The following EPHA6 variants were observed in gnomAD, a reference collection of about 807,000 sequenced individuals.
EPHA6 encodes the protein EPH receptor A6.
Under a neutral mutation model 112.0 loss-of-function variants are expected in EPHA6, and 50 were observed. The observed-to-expected ratio is 0.45, with a 90% confidence interval of 0.36 to 0.56. The LOEUF (loss-of-function observed/expected upper bound fraction) is 0.56. Among genes scored for constraint, EPHA6 ranks in the 20% least tolerant of loss-of-function variants. The pLI is 0.00. For missense variants in EPHA6, 1,280 were observed against 1,417.4 expected, an observed-to-expected ratio of 0.90 and a Z score of 1.56; for synonymous variants, 529 against 490.7, an observed-to-expected ratio of 1.08 and a Z score of -1.03.
chr3:97,641,234 T>C (rs972571384), intron 14 of EPHA6, among the ~76,000 whole-genome samples: 3 of 152,192 alleles, frequency 2.0e-5, no homozygotes, highest in Non-Finnish European at 4.4e-5. Flanking sequence ...CAAATGATCA[T>C]TGGCATTCTG....
intron 16 of EPHA6, among the ~76,000 whole-genome samples, chr3:97,746,871 G>C (rs1157474672): frequency 2.6e-5 from 4 of 151,976 alleles, no homozygotes; most frequent in Admixed American, 2.6e-4. Context: ...TACATTTTAA[G>C]AAATGATAAA....
intron 14 of EPHA6, among the ~76,000 whole-genome samples, chr3:97,661,037 G>A (rs1466785740): frequency 2.0e-5 from 3 of 151,978 alleles, no homozygotes; most frequent in Non-Finnish European, 4.4e-5. Context: ...AATTTCTAAG[G>A]TGAAATTTCT....
chr3:97,225,026 G>A (rs953618299), intron 3 of EPHA6, among the ~76,000 whole-genome samples: 6 of 151,990 alleles, frequency 3.9e-5, no homozygotes, highest in Admixed American at 2.0e-4. Flanking sequence ...CGCGATCTCC[G>A]CTCACTGCAA....
chr3:97,716,641 C>T (rs1043565276), intron 14 of EPHA6, among the ~76,000 whole-genome samples: 5 of 148,996 alleles, frequency 3.4e-5, no homozygotes, highest in African/African-American at 1.2e-4. Flanking sequence ...ATGTAAGGAA[C>T]GGAGACTATG....
intron 14 of EPHA6, among the ~76,000 whole-genome samples, chr3:97,703,752 A>G (rs2033527237): frequency 6.6e-6 from 1 of 152,326 alleles, no homozygotes; most frequent in Admixed American, 6.5e-5. Context: ...TGGTTCAGCA[A>G]CTTGACCTTG....
chr3:96,954,182 C>T (rs2041665876), intron 2 of EPHA6, among the ~76,000 whole-genome samples: 1 of 152,116 alleles, frequency 6.6e-6, no homozygotes, highest in South Asian at 2.1e-4. Context: ...CCTTCAGTAG[C>T]ATCTTAACCG....
intron 11 of EPHA6, among the ~76,000 whole-genome samples, chr3:97,536,862 CA>C (rs1422452301): frequency 6.6e-6 from 1 of 151,828 alleles, no homozygotes; most frequent in Non-Finnish European, 1.5e-5. Flanking sequence ...CCACCACACA[CA>C]AAAAAACGAA....
chr3:97,347,603 GA>G (rs1459838691), intron 5 of EPHA6, among the ~76,000 whole-genome samples: 5 of 151,864 alleles, frequency 3.3e-5, no homozygotes, highest in Non-Finnish European at 7.4e-5. Flanking sequence ...ATTTCTCCTA[GA>G]AAAAAATTTG....
intron 2 of EPHA6, among the ~76,000 whole-genome samples, chr3:96,930,812 T>A (rs1378292548): frequency 1.3e-5 from 2 of 151,314 alleles, no homozygotes; most frequent in Non-Finnish European, 2.9e-5. Flanking sequence ...GACAACATGG[T>A]GAAAACCCAT....
At chr3:97,316,263 A>AG (rs1286231225) in intron 5 of EPHA6, among the ~76,000 whole-genome samples, 1 of 151,890 alleles carries the variant, frequency 6.6e-6, no homozygotes, top group Non-Finnish European at 1.5e-5. Flanking sequence ...AAATCACTGT[A>AG]GGCTTGCTGA....
At chr3:96,990,143 T>G (rs921801867) in intron 3 of EPHA6, among the ~76,000 whole-genome samples, 1 of 152,204 alleles carries the variant, frequency 6.6e-6, no homozygotes. Context: ...ATTTATGTGA[T>G]TTGCTATTAC....
At chr3:97,002,465 T>C (rs2043703769) in intron 3 of EPHA6, among the ~76,000 whole-genome samples, 1 of 151,172 alleles carries the variant, frequency 6.6e-6, no homozygotes, top group Non-Finnish European at 1.5e-5. Context: ...AATTTTTCTA[T>C]TTATCTATCA....
chr3:97,233,376 G>T (rs779218475), intron 4 of EPHA6, among the ~76,000 whole-genome samples: 1 of 150,260 alleles, frequency 6.7e-6, no homozygotes, highest in Admixed American at 6.6e-5. Context: ...TAAAAGATGA[G>T]ATTGTTGGGG....
intron 5 of EPHA6, among the ~76,000 whole-genome samples, chr3:97,328,054 C>CATATATAT (rs71286029): frequency 0.017 from 2,029 of 120,858 alleles, 163 homozygotes; most frequent in African/African-American, 0.064. Context: ...CATATATACA[C>CATATATAT]ATATATATAT....
chr3:97,663,198 A>G (rs180912155), intron 14 of EPHA6, among the ~76,000 whole-genome samples: 3 of 152,340 alleles, frequency 2.0e-5, no homozygotes, highest in Admixed American at 2.0e-4. Context: ...GGCTTCAGCT[A>G]TATTAGAAAT....
At chr3:97,465,518 C>A (rs948395997) in intron 7 of EPHA6, among the ~76,000 whole-genome samples, 2 of 152,000 alleles carry the variant, frequency 1.3e-5, no homozygotes, top group Admixed American at 1.3e-4. Context: ...CCCATTGAAT[C>A]TCTCCAGAAT....
At chr3:97,612,475 G>A in intron 13 of EPHA6, 2 of 346,276 alleles carry the variant, frequency 5.8e-6, no homozygotes, top group Non-Finnish European at 1.2e-5. Context: ...AAGCAAATAA[G>A]GTGGGAAATA....
intron 5 of EPHA6, among the ~76,000 whole-genome samples, chr3:97,252,308 G>A (rs1182877651): frequency 6.6e-6 from 1 of 152,110 alleles, no homozygotes; most frequent in African/African-American, 2.4e-5. Flanking sequence ...ACCCACAATG[G>A]GAGACCACCA....
At chr3:97,666,331 A>G (rs1037517419) in intron 14 of EPHA6, among the ~76,000 whole-genome samples, 1 of 152,234 alleles carries the variant, frequency 6.6e-6, no homozygotes, top group African/African-American at 2.4e-5. Flanking sequence ...TAAGGCTGCC[A>G]TAACAAAGCA....
Sources: gnomAD v4.1 joint callset for allele counts (sites outside exome capture counted in the v4.1 genomes callset) on GRCh38, gnomAD v4.1.1 for gene constraint, MANE v1.5 for transcripts, NCBI Gene and HGNC (gene_info 2026-07-23, HGNC 2026-07-21) for gene names.